The following MAN2A1 variants were observed in gnomAD, a reference collection of about 807,000 sequenced individuals.
MAN2A1 encodes the protein mannosidase alpha class 2A member 1, also known as alpha-mannosidase 2.
Under a neutral mutation model 142.6 loss-of-function variants are expected in MAN2A1, and 76 were observed. That is an observed-to-expected ratio of 0.53 (90% confidence interval 0.44 to 0.65). The LOEUF (loss-of-function observed/expected upper bound fraction) is 0.65. Among genes scored for constraint, MAN2A1 ranks in the 30% least tolerant of loss-of-function variants. The pLI, the probability that MAN2A1 is intolerant of heterozygous loss-of-function variation, is 0.00. For synonymous variants in MAN2A1, 559 were observed against 473.2 expected, an observed-to-expected ratio of 1.18 and a Z score of -2.35; for missense variants, 1,311 against 1,365.1, an observed-to-expected ratio of 0.96 and a Z score of 0.62.
intron 20 of MAN2A1, among the ~76,000 whole-genome samples, chr5:109,858,724 C>A (rs1198604780): frequency 6.6e-6 from 1 of 152,260 alleles, no homozygotes; most frequent in African/African-American, 2.4e-5. Context: ...GATAAGGACG[C>A]ATGTCTTCCT....
chr5:109,841,158 T>G (rs1166558725), intron 16 of MAN2A1, among the ~76,000 whole-genome samples: 1 of 152,186 alleles, frequency 6.6e-6, no homozygotes, highest in Non-Finnish European at 1.5e-5. Context: ...TAAAAAAAAT[T>G]TCCATAGGTT....
intron 4 of MAN2A1, among the ~76,000 whole-genome samples, chr5:109,749,529 TC>T (rs977041776): frequency 6.6e-6 from 1 of 152,106 alleles, no homozygotes; most frequent in African/African-American, 2.4e-5. Context: ...GAAAATTAGT[TC>T]CTGGTTTCTT....
chr5:109,761,587 T>C (rs540733477), intron 5 of MAN2A1, among the ~76,000 whole-genome samples: 2 of 152,188 alleles, frequency 1.3e-5, no homozygotes, highest in African/African-American at 2.4e-5. Flanking sequence ...ATTTATTTAG[T>C]GGTTTTATGA....
At chr5:109,720,125 G>T (rs1448648312) in intron 3 of MAN2A1, among the ~76,000 whole-genome samples, 3 of 152,046 alleles carry the variant, frequency 2.0e-5, no homozygotes, top group Non-Finnish European at 4.4e-5. Flanking sequence ...GAAATATTTG[G>T]TTAATTTTAC....
intron 4 of MAN2A1, among the ~76,000 whole-genome samples, chr5:109,750,029 T>C (rs755852916): frequency 3.9e-5 from 6 of 152,156 alleles, no homozygotes; most frequent in Non-Finnish European, 7.4e-5. Context: ...TTTTCTGTTA[T>C]TGCTTGTAAA....
At chr5:109,729,542 G>A in intron 4 of MAN2A1, 29 bp downstream of exon 4, 2 of 1,296,930 alleles carry the variant, frequency 1.5e-6, no homozygotes, top group East Asian at 2.6e-5. Context: ...TTGGAATTTG[G>A]TAATATTAAA....
chr5:109,732,538 T>C (rs1396532524), intron 4 of MAN2A1, among the ~76,000 whole-genome samples: 1 of 152,104 alleles, frequency 6.6e-6, no homozygotes, highest in Non-Finnish European at 1.5e-5. Context: ...TTAATTTTTG[T>C]ATAAGGTTTA....
Position 109,734,421 on chromosome 5 carries a change from T to G in MAN2A1, c.707+4908T>G, listed in dbSNP as rs543297656. 6.6e-3 allele frequency among the ~76,000 whole-genome samples: 997 copies of G among 152,200 alleles called. 6 individuals carry two copies. Among genetic ancestry groups the G allele is most frequent in the Non-Finnish European group, 9.1e-3 (618 of 67,992 alleles). On this transcript the variant is annotated intron_variant, in intron 4 of 21. Coordinates refer to ENST00000261483, the MANE Select transcript of MAN2A1 (RefSeq NM_002372.4). ...TTCTTGCCTTCTGCTAGCTTTTGAA[T>G]GTGTTTGCTCTTGTTTCTCTAGTTC... is the stretch of plus-strand genomic sequence containing the variant.
chr5:109,747,548 C>G (rs989338278), intron 4 of MAN2A1, among the ~76,000 whole-genome samples: 18 of 151,918 alleles, frequency 1.2e-4, no homozygotes, highest in African/African-American at 4.1e-4. Flanking sequence ...TCCATGATCT[C>G]TATTTATAAT....
chr5:109,849,857 A>T (rs542731989), intron 19 of MAN2A1, among the ~76,000 whole-genome samples: 1 of 152,076 alleles, frequency 6.6e-6, no homozygotes, highest in Non-Finnish European at 1.5e-5. Flanking sequence ...TCCCCTAGGC[A>T]TTGGCATTGG....
chr5:109,734,561 G>T lies in MAN2A1; in HGVS notation c.707+5048G>T, dbSNP rs916309958. Among the ~76,000 whole-genome samples the T allele has an allele frequency of 1.8e-4, 27 of 152,088 alleles. 1 individual carries two copies. ...CTTTGAATGTGTCCCAGAGATTCTG[G>T]TATGTTGTGTCTTTCTTCTCATTGG... is the stretch of plus-strand genomic sequence containing the variant. On this transcript the variant is annotated intron_variant, in intron 4 of 21. Transcript: ENST00000261483.
At chr5:109,795,064 C>A (rs1753826083) in intron 12 of MAN2A1, among the ~76,000 whole-genome samples, 1 of 152,008 alleles carries the variant, frequency 6.6e-6, no homozygotes, top group Non-Finnish European at 1.5e-5. Flanking sequence ...CAAGATGCTA[C>A]GTTAGTTAAT....
intron 12 of MAN2A1, among the ~76,000 whole-genome samples, chr5:109,807,920 C>T (rs1221998653): frequency 6.6e-6 from 1 of 152,162 alleles, no homozygotes; most frequent in East Asian, 1.9e-4. Flanking sequence ...TTTGAGCCTT[C>T]ACCCCTTAAG....
chr5:109,825,956 G>T (rs1353752305), intron 16 of MAN2A1, among the ~76,000 whole-genome samples: 2 of 136,030 alleles, frequency 1.5e-5, no homozygotes, highest in Non-Finnish European at 3.1e-5. Flanking sequence ...GCCCAGGCTG[G>T]AGTGCAGTGG....
In MAN2A1 at chr5:109,729,491, CAGA is replaced by C. The variant is rs1561481794; in HGVS notation, c.691_693del (p.Lys231del). On this transcript the variant is annotated inframe_deletion, in exon 4 of 22. Coordinates refer to ENST00000261483, the MANE Select transcript of MAN2A1 (RefSeq NM_002372.4). ...AAAGTGGTGGGATATTATAGATATT[CAGA>C]AGAAGGATGCTGTTAAAAGGTTTGT... 3.9e-6 allele frequency: 6 copies of C among 1,542,242 alleles called. No individual in the cohort carries two copies. The highest frequency in any genetic ancestry group is 5.2e-6 in the Non-Finnish European group (6 of 1,147,238).
At chr5:109,828,094 G>C (rs1432259003) in intron 16 of MAN2A1, among the ~76,000 whole-genome samples, 1 of 142,446 alleles carries the variant, frequency 7.0e-6, no homozygotes, top group Non-Finnish European at 1.5e-5. Context: ...AACAGAGCGA[G>C]ACTCTGTCTC....
chr5:109,795,446 A>G, intron 12 of MAN2A1, among the ~76,000 whole-genome samples: 1 of 152,150 alleles, frequency 6.6e-6, no homozygotes, highest in East Asian at 1.9e-4. Flanking sequence ...AGAGACCATG[A>G]GACTGACTCT....
intron 10 of MAN2A1, among the ~76,000 whole-genome samples, chr5:109,786,752 C>T (rs1753605185): frequency 6.6e-6 from 1 of 152,026 alleles, no homozygotes; most frequent in Admixed American, 6.6e-5. Context: ...CTGATGACTA[C>T]TATTCATTCA....
intron 19 of MAN2A1, among the ~76,000 whole-genome samples, chr5:109,852,157 A>G (rs950687362): frequency 1.2e-4 from 18 of 150,680 alleles, no homozygotes; most frequent in African/African-American, 4.1e-4. Flanking sequence ...AAAAAAAAAA[A>G]CATTTTAATA....
Sources: allele counts gnomAD v4.1 joint callset (sites outside exome capture counted in the v4.1 genomes callset), GRCh38; gene constraint gnomAD v4.1.1; transcripts MANE v1.5; gene names NCBI Gene and HGNC (gene_info 2026-07-23, HGNC 2026-07-21).